The following RABGAP1L variants were observed in gnomAD, a reference collection of about 807,000 sequenced individuals.
The protein encoded by RABGAP1L is rab GTPase-activating protein 1-like.
A neutral mutation model predicts 137.7 loss-of-function variants in RABGAP1L; 63 were observed. The ratio of observed to expected loss-of-function variants is 0.46; its 90% CI spans 0.37 to 0.56. The LOEUF is 0.56. RABGAP1L is among the 20% of genes least tolerant of loss of function. The pLI is 0.00. For missense variants in RABGAP1L, 1,095 were observed against 1,244.0 expected, an observed-to-expected ratio of 0.88 and a Z score of 1.80; for synonymous variants, 431 against 433.7, an observed-to-expected ratio of 0.99 and a Z score of 0.08.
chr1:174,350,854 C>T (rs1273692769), intron 11 of RABGAP1L, among the ~76,000 whole-genome samples: 1 of 91,554 alleles, frequency 1.1e-5, no homozygotes, highest in Non-Finnish European at 2.2e-5. Flanking sequence ...CTCGGGAGGC[C>T]GAGGTTGGCG....
intron 10 of RABGAP1L, among the ~76,000 whole-genome samples, chr1:174,303,462 T>C (rs1677913479): frequency 6.6e-6 from 1 of 152,156 alleles, no homozygotes; most frequent in South Asian, 2.1e-4. Context: ...GCATGCCATA[T>C]TGAAAAAGGT....
intron 18 of RABGAP1L, chr1:174,756,901 C>T: frequency 1.4e-6 from 1 of 690,516 alleles, no homozygotes; most frequent in Non-Finnish European, 2.5e-6. Context: ...AGTCCTGGGA[C>T]TGCTTGGCAT....
chr1:174,651,224 T>C (rs1462051949), intron 14 of RABGAP1L, among the ~76,000 whole-genome samples: 13 of 151,788 alleles, frequency 8.6e-5, no homozygotes, highest in African/African-American at 2.9e-4. Context: ...TTCTGTTCTT[T>C]TACATTTGCT....
At chr1:174,979,455 T>A (rs1207966890) in intron 23 of RABGAP1L, among the ~76,000 whole-genome samples, 2 of 152,206 alleles carry the variant, frequency 1.3e-5, no homozygotes, top group African/African-American at 2.4e-5. Flanking sequence ...TAGAAAAACC[T>A]TTTGATGACT....
intron 13 of RABGAP1L, among the ~76,000 whole-genome samples, chr1:174,634,302 A>G (rs1296593985): frequency 8.6e-6 from 1 of 115,992 alleles, no homozygotes; most frequent in Admixed American, 8.2e-5. Flanking sequence ...ATCACTGGCC[A>G]TCAGAGAAAT....
At chr1:174,436,781 C>T (rs1030808985) in intron 13 of RABGAP1L, among the ~76,000 whole-genome samples, 21 of 152,134 alleles carry the variant, frequency 1.4e-4, no homozygotes, top group African/African-American at 4.8e-4. Flanking sequence ...TCAAGTGGGT[C>T]CCTGACCCCT....
At chr1:174,763,377 G>A (rs1350924401) in intron 18 of RABGAP1L, among the ~76,000 whole-genome samples, 5 of 149,862 alleles carry the variant, frequency 3.3e-5, no homozygotes, top group Admixed American at 6.6e-5. Context: ...TTGGCCGGGC[G>A]CGGTGGCTCA....
intron 13 of RABGAP1L, among the ~76,000 whole-genome samples, chr1:174,397,872 T>G (rs901455017): frequency 3.9e-5 from 6 of 152,176 alleles, no homozygotes; most frequent in Non-Finnish European, 7.3e-5. Context: ...TTGTAGATCC[T>G]CACAGACTTC....
At chr1:174,648,958 CCAT>C (rs1449381042) in intron 14 of RABGAP1L, among the ~76,000 whole-genome samples, 2 of 151,922 alleles carry the variant, frequency 1.3e-5, no homozygotes, top group African/African-American at 4.8e-5. Context: ...TATGTAATGC[CCAT>C]CTTTGACTTT....
rs1678778540 is a variant in RABGAP1L, at chr1:174,690,216, T to C, written c.1899+6620T>C. On this transcript the variant is annotated intron_variant, in intron 15 of 25. Transcript: ENST00000681986. ...GTGGTTTAATACCTTTCAAGTTATATGGCTTTGGGCAAGTTTCTTCAACTG... is the reference window on the plus strand; with the variant it reads ...GTGGTTTAATACCTTTCAAGTTATACGGCTTTGGGCAAGTTTCTTCAACTG... Among the ~76,000 whole-genome samples the C allele has an allele frequency of 1.3e-5, 2 of 152,204 alleles. 1 individual carries two copies. The highest frequency in any genetic ancestry group is 4.1e-4 in the South Asian group (2 of 4,824).
At chr1:174,737,530 C>T (rs1315430324) in intron 17 of RABGAP1L, among the ~76,000 whole-genome samples, 1 of 152,174 alleles carries the variant, frequency 6.6e-6, no homozygotes, top group Non-Finnish European at 1.5e-5. Flanking sequence ...CCCACATCTT[C>T]CTTTCTTTCT....
At chr1:174,505,429 T>G (rs566945400) in intron 13 of RABGAP1L, among the ~76,000 whole-genome samples, 1 of 152,264 alleles carries the variant, frequency 6.6e-6, no homozygotes, top group East Asian at 1.9e-4. Context: ...TCGGTACATA[T>G]TTTAAAATCT....
At chr1:174,170,225 C>T (rs1665241761) in intron 1 of RABGAP1L, among the ~76,000 whole-genome samples, 1 of 152,064 alleles carries the variant, frequency 6.6e-6, no homozygotes, top group Non-Finnish European at 1.5e-5. Context: ...GCACATTAAC[C>T]ATGAGCTAAT....
intron 1 of RABGAP1L, among the ~76,000 whole-genome samples, chr1:174,208,627 T>G (rs1668663474): frequency 6.6e-6 from 1 of 152,220 alleles, no homozygotes; most frequent in African/African-American, 2.4e-5. Flanking sequence ...ACCTGGTATA[T>G]AATTCTTTTA....
At chr1:174,313,117 C>T (rs573897566) in intron 11 of RABGAP1L, among the ~76,000 whole-genome samples, 23 of 152,114 alleles carry the variant, frequency 1.5e-4, no homozygotes, top group African/African-American at 4.3e-4. Context: ...TTAGTAGAGA[C>T]GAGGTTTCAC....
At chr1:174,622,423 T>A (rs2148276702) in intron 13 of RABGAP1L, among the ~76,000 whole-genome samples, 1 of 152,354 alleles carries the variant, frequency 6.6e-6, no homozygotes, top group Middle Eastern at 3.4e-3. Flanking sequence ...ATTGCGGCAC[T>A]ATTCACAATA....
At chr1:174,496,311 G>A (rs1221969234) in intron 13 of RABGAP1L, among the ~76,000 whole-genome samples, 1 of 152,134 alleles carries the variant, frequency 6.6e-6, no homozygotes, top group Non-Finnish European at 1.5e-5. Flanking sequence ...ACCTTTTCAG[G>A]AGCTGAACTT....
chr1:174,628,655 A>G (rs1673096395), intron 13 of RABGAP1L, among the ~76,000 whole-genome samples: 1 of 152,224 alleles, frequency 6.6e-6, no homozygotes, highest in African/African-American at 2.4e-5. Flanking sequence ...TGGAAATAGA[A>G]TCAATGAGTT....
chr1:174,897,052 T>C (rs1657323973), intron 19 of RABGAP1L: 1 of 152,238 alleles, frequency 6.6e-6, no homozygotes, highest in Admixed American at 6.5e-5. Context: ...TTTCATGATA[T>C]TGATTCTTCC....
Sources: allele counts gnomAD v4.1 joint callset (sites outside exome capture counted in the v4.1 genomes callset), GRCh38; gene constraint gnomAD v4.1.1; transcripts MANE v1.5; gene names NCBI Gene and HGNC (gene_info 2026-07-23, HGNC 2026-07-21).